OTOA: variants seen among roughly 807,000 people sequenced by gnomAD.
The protein encoded by OTOA is cancer/testis antigen 108.
In OTOA, 70 loss-of-function variants were observed where a neutral mutation model predicts 110.8. The ratio of observed to expected loss-of-function variants is 0.63; its 90% CI spans 0.52 to 0.77. The LOEUF is 0.77. Among genes scored for constraint, OTOA ranks in the 30% least tolerant of loss-of-function variants. The probability of loss-of-function intolerance (pLI) is 0.00; values close to 1 mark genes in which losing one functional copy is unlikely to be tolerated. For missense variants in OTOA, 917 were observed against 1,075.8 expected (o/e 0.85, Z 2.06); for synonymous variants, 373 against 431.5 (o/e 0.86, Z 1.68).
At chr16:21,757,847 AC>A (rs1247996193) in intron 28 of OTOA, among the ~76,000 whole-genome samples, 80 of 151,922 alleles carry the variant, frequency 5.3e-4, no homozygotes, top group African/African-American at 1.9e-3. Context: ...TGAACTCCTG[AC>A]CTCAGGTCAT....
chr16:21,700,186 A>G (rs545534326), intron 10 of OTOA, among the ~76,000 whole-genome samples: 1 of 152,294 alleles, frequency 6.6e-6, no homozygotes, highest in South Asian at 2.1e-4. Context: ...AAGAGAACAC[A>G]TACTCTTTTC....
rs1225177392 is a variant in OTOA at position 21,754,085 on chromosome 16, TC to T, written c.3153+962del. ...CTCTCTCTATATATATATATTTTTT[TC>T]TATATATATATATTTTTAGTTGATT... On this transcript the variant is annotated intron_variant, in intron 27 of 28. Coordinates refer to ENST00000646100, the MANE Select transcript of OTOA (RefSeq NM_144672.4). Among the ~76,000 whole-genome samples, 32 of 138,652 alleles carry T rather than the reference TC, an allele frequency of 2.3e-4. 2 individuals are homozygous for T. The highest frequency in any genetic ancestry group is 7.6e-4 in the African/African-American group (28 of 36,766). 91.0% of individuals were successfully genotyped at this position (138,652 alleles called of 152,430 possible). A position where few individuals can be genotyped will look rare whatever the true frequency, so the allele number is the denominator to read the frequency against.
intron 17 of OTOA, chr16:21,721,232 TACACACACACACACACACACACAC>T (rs35961471): frequency 1.9e-5 from 7 of 372,404 alleles, no homozygotes; most frequent in Admixed American, 5.6e-5. Flanking sequence ...ACATAATTAT[TACACACACACACACACACACACAC>T]ACACACACAC....
intron 1 of OTOA, among the ~76,000 whole-genome samples, chr16:21,675,067 T>A (rs769889866): frequency 4.0e-5 from 1 of 25,282 alleles, no homozygotes; most frequent in East Asian, 1.3e-3. Flanking sequence ...CTTTCTGTCT[T>A]TCTTTCTTTC....
chr16:21,735,348 AAAC>A (rs1899257173), intron 21 of OTOA, among the ~76,000 whole-genome samples: 1 of 151,746 alleles, frequency 6.6e-6, no homozygotes, highest in Non-Finnish European at 1.5e-5. Flanking sequence ...ACATGCATTT[AAAC>A]AACAAGATCT....
At chr16:21,715,443 G>GT (rs943149388) in intron 14 of OTOA, among the ~76,000 whole-genome samples, 3 of 149,260 alleles carry the variant, frequency 2.0e-5, no homozygotes, top group Admixed American at 6.8e-5. Context: ...GTTCAAGTTT[G>GT]TTTTTTTTTT....
intron 5 of OTOA, 89 bp from the exon 6 acceptor site, chr16:21,681,649 C>A: frequency 9.1e-7 from 1 of 1,098,286 alleles, no homozygotes; most frequent in Non-Finnish European, 1.4e-6. Flanking sequence ...TGGTCCATCC[C>A]TACCTGTCCC....
chr16:21,733,753 C>G (rs376560775), intron 21 of OTOA, among the ~76,000 whole-genome samples: 1 of 151,382 alleles, frequency 6.6e-6, no homozygotes, highest in African/African-American at 2.4e-5. Flanking sequence ...TTGAGACAAC[C>G]CTTCTTCACC....
At chr16:21,708,116 T>C (rs1328272469) in intron 12 of OTOA, among the ~76,000 whole-genome samples, 1 of 151,986 alleles carries the variant, frequency 6.6e-6, no homozygotes, top group African/African-American at 2.4e-5. Context: ...TATTATTACA[T>C]TGTAATATAT....
rs1900136396 is a variant in OTOA at position 21,760,494 on chromosome 16, G to C, written c.3374G>C (p.Trp1125Ser). The C allele has an allele frequency of 1.9e-6, 3 of 1,603,262 alleles. No homozygotes were observed. In the African/African-American group the frequency reaches 4.0e-5, roughly 21 times the overall value. The change falls in exon 29 of 29, where the codon TGG (tryptophan) becomes TCG (serine). Residue 1125 changes from tryptophan to serine, a missense_variant. Transcript: ENST00000646100. ...PAGALQSWGL[W>S]LGCPLLVLMA... ...GGAGCTCTCCAGTCGTGGGGTCTTT[G>C]GCTTGGTTGTCCCCTGCTGGTTCTA...
chr16:21,678,406 C>CTA (rs1966865984), intron 1 of OTOA, 105 bp from the exon 2 acceptor site: 1 of 645,020 alleles, frequency 1.6e-6, no homozygotes, highest in Non-Finnish European at 2.4e-6. Flanking sequence ...TTCTGAATGT[C>CTA]CATATATATA....
chr16:21,736,388 C>A lies in OTOA; in HGVS notation c.2429C>A (p.Pro810His). The A allele has an allele frequency of 3.7e-6, 6 of 1,614,110 alleles. No homozygotes were observed. The highest frequency in any genetic ancestry group is 5.1e-6 in the Non-Finnish European group (6 of 1,180,016). Residue 810 changes from proline (P) to histidine (H), a missense_variant and splice_region_variant, in exon 22 of 29, where the codon CCT (proline) becomes CAT (histidine). Pro to His is a moderately conservative substitution (Grantham distance 77). Coordinates refer to ENST00000646100, the MANE Select transcript of OTOA (RefSeq NM_144672.4). The part of the protein sequence containing the change: ...SDKIPSYDPM[P>H]GCHGVVAPSS... ...AAGATCCCCAGCTATGACCCTATGC[C>A]TGGTGAGTGTTTTCAGGGTATCTGA...
chr16:21,693,169 T>C (rs1367038487), intron 9 of OTOA, among the ~76,000 whole-genome samples: 1 of 151,728 alleles, frequency 6.6e-6, no homozygotes, highest in Non-Finnish European at 1.5e-5. Context: ...GAGGCTGAGG[T>C]GGGAGAATCA....
rs201002358 is a variant in OTOA at position 21,697,841 on chromosome 16, C to A, written c.806C>A (p.Ser269Ter). 10 of 1,613,986 alleles carry A rather than the reference C, an allele frequency of 6.2e-6. No homozygotes were observed. In the Admixed American group the frequency reaches 6.7e-5, roughly 11 times the overall value. The part of the protein sequence containing the change: ...WVLGRYMVHL[S>*]FEEITKISPI... ...TTGGGCAGATACATGGTTCACCTAT[C>A]GTTTGAAGAAATTACGAAAATTAGT... Residue 269 changes from serine (S) to a stop codon, truncating the protein, a stop_gained, in exon 10 of 29, where the codon TCG becomes TAG. Coordinates refer to ENST00000646100, the MANE Select transcript of OTOA (RefSeq NM_144672.4). LOFTEE classifies it high-confidence loss of function.
chr16:21,734,822 C>T (rs186892058), intron 21 of OTOA, among the ~76,000 whole-genome samples: 11 of 150,470 alleles, frequency 7.3e-5, no homozygotes, highest in Admixed American at 6.6e-4. Flanking sequence ...GGTGATAGAG[C>T]GAGACTCCGT....
chr16:21,683,579 G>T (rs1222970961), intron 6 of OTOA, among the ~76,000 whole-genome samples: 1 of 151,850 alleles, frequency 6.6e-6, no homozygotes, highest in Non-Finnish European at 1.5e-5. Context: ...TGGTGGTGTG[G>T]CCTGTAGTCC....
At chr16:21,719,083 G>A (rs1898642196) in intron 15 of OTOA, 50 bp from the exon 16 acceptor site, 1 of 1,557,798 alleles carries the variant, frequency 6.4e-7, no homozygotes, top group African/African-American at 1.4e-5. Context: ...CACAGTGTTG[G>A]GCACACGCTG....
At chr16:21,741,702 G>T (rs1297207890) in intron 23 of OTOA, among the ~76,000 whole-genome samples, 1 of 122,856 alleles carries the variant, frequency 8.1e-6, no homozygotes, top group African/African-American at 2.8e-5. Context: ...CAGCACTTTG[G>T]GAGGCGGATC....
At chr16:21,683,622 C>T (rs984403062) in intron 6 of OTOA, among the ~76,000 whole-genome samples, 1 of 151,784 alleles carries the variant, frequency 6.6e-6, no homozygotes, top group African/African-American at 2.4e-5. Context: ...AGGAGGATTG[C>T]TTGAGCCCAG....
Sources: allele counts gnomAD v4.1 joint callset (sites outside exome capture counted in the v4.1 genomes callset), GRCh38; gene constraint gnomAD v4.1.1; transcripts MANE v1.5; gene names NCBI Gene and HGNC (gene_info 2026-07-23, HGNC 2026-07-21).